The following DDX23 variants were observed in gnomAD, a reference collection of about 807,000 sequenced individuals.
The protein encoded by DDX23 is DEAD-box helicase 23.
Under a neutral mutation model 102.7 loss-of-function variants are expected in DDX23, and 33 were observed. The ratio of observed to expected loss-of-function variants is 0.32; its 90% CI spans 0.24 to 0.43. The LOEUF (loss-of-function observed/expected upper bound fraction) is 0.43, where lower values mean the gene tolerates loss of function less well. Ranked by LOEUF, DDX23 falls within the 20% of genes least tolerant of loss-of-function variation. DDX23 has a pLI of 1.00. For missense variants in DDX23, 549 were observed against 1,086.6 expected (o/e 0.51, Z 6.96); for synonymous variants, 352 against 376.0 (o/e 0.94, Z 0.74).
At chr12:48,839,633 A>G (rs970353919) in intron 5 of DDX23, 1 of 550,094 alleles carries the variant, frequency 1.8e-6, no homozygotes, top group Non-Finnish European at 3.2e-6. Flanking sequence ...ACATGTGTAC[A>G]GAGGGAGGAC....
rs1938465945 is a variant in DDX23, at chr12:48,836,189, G to A, written c.1314C>T (p.Gly438=). The change falls in exon 11 of 17, where the codon GGC becomes GGT. Residue 438 remains glycine (G), a synonymous_variant. Transcript: ENST00000308025. This position sits in a 1 kb window ranked among gnomAD's most constrained non-coding sequence, Gnocchi z 6.1. ...NRDIIGVAET[G]SGKTAAFLIP... ...TGAGGAAGGCTGCTGTCTTGCCACT[G>A]CCAGTCTCAGCCACACCAATGATGT... 7 of 1,613,990 alleles carry A rather than the reference G, an allele frequency of 4.3e-6. No individual in the cohort carries two copies. The highest frequency in any genetic ancestry group is 5.1e-6 in the Non-Finnish European group (6 of 1,180,030).
At chr12:48,839,614 A>C in intron 5 of DDX23, 1 of 445,994 alleles carries the variant, frequency 2.2e-6, no homozygotes, top group Admixed American at 3.9e-5. Context: ...CTAATCCAAC[A>C]CAAGGGGTAC....
chr12:48,836,529 G>T lies in DDX23; in HGVS notation c.1236+40C>A. 1.3e-6 allele frequency: 2 copies of T among 1,584,134 alleles called. No homozygotes were observed. The highest frequency in any genetic ancestry group is 1.7e-6 in the Non-Finnish European group (2 of 1,155,278). ...GTTCTCTATTCCCAAACTAGTGTAGGAACATGTCAGATCTCTTGGGCCAAT... is the reference window on the plus strand; with the variant it reads ...GTTCTCTATTCCCAAACTAGTGTAGTAACATGTCAGATCTCTTGGGCCAAT... On this transcript the variant is annotated intron_variant, in intron 10 of 16. Coordinates refer to ENST00000308025, the MANE Select transcript of DDX23 (RefSeq NM_004818.3). The surrounding 1 kb of genome is among the most constrained non-coding windows in gnomAD (Gnocchi z 6.1).
intron 2 of DDX23, among the ~76,000 whole-genome samples, chr12:48,845,248 A>G (rs1938645273): frequency 6.6e-6 from 1 of 151,996 alleles, no homozygotes; most frequent in African/African-American, 2.4e-5. Flanking sequence ...CAGGAGATCG[A>G]GACCATCCTG....
At chr12:48,850,110 G>C (rs1938732831) in intron 1 of DDX23, among the ~76,000 whole-genome samples, 1 of 152,214 alleles carries the variant, frequency 6.6e-6, no homozygotes, top group Admixed American at 6.5e-5. Context: ...ATATATAGCA[G>C]AGAGACAGAG....
In DDX23 at chr12:48,844,256, C is replaced by T. The variant is rs116085541; in HGVS notation, c.210-206G>A. Among the ~76,000 whole-genome samples the T allele has an allele frequency of 2.7e-3, 408 of 152,246 alleles. 1 individual carries two copies. The highest frequency in any genetic ancestry group is 8.9e-3 in the African/African-American group (370 of 41,544). The stretch of plus-strand genomic sequence containing the variant: ...AAATATTAACGGCAATGACAGGTCA[C>T]GGACTATGTGAACAGATGAACCTTC... On this transcript the variant is annotated intron_variant, in intron 2 of 16. Transcript: ENST00000308025.
chr12:48,844,125 C>G (rs1938622197), intron 2 of DDX23, 75 bp from the exon 3 acceptor site: 2 of 1,330,348 alleles, frequency 1.5e-6, no homozygotes, highest in African/African-American at 1.4e-5. Context: ...TGAGAAAGTT[C>G]CTATACTCTC....
At chr12:48,834,609 T>G (rs1448538241) in intron 11 of DDX23, 112 bp from the exon 12 acceptor site, 6 of 1,032,158 alleles carry the variant, frequency 5.8e-6, no homozygotes, top group Non-Finnish European at 8.6e-6. Flanking sequence ...GGGAGGATGA[T>G]GAGAAAAGAA....
intron 1 of DDX23, among the ~76,000 whole-genome samples, chr12:48,846,740 G>A (rs959185299): frequency 6.6e-6 from 1 of 152,174 alleles, no homozygotes; most frequent in Non-Finnish European, 1.5e-5. Flanking sequence ...AGAGGTTGCA[G>A]AAGTCCTGAT....
chr12:48,831,102 G>GA (rs1392149036), intron 16 of DDX23, 40 bp downstream of exon 16: 1 of 1,610,738 alleles, frequency 6.2e-7, no homozygotes, highest in Non-Finnish European at 8.5e-7. Flanking sequence ...TAAGGAATCT[G>GA]ACTTCACCCT....
rs1301702820 is a variant in DDX23, at chr12:48,837,013, C to G, written c.891G>C (p.Gln297His). 1 of 1,613,928 alleles carries G rather than the reference C, an allele frequency of 6.2e-7. No individual in the cohort carries two copies. The highest frequency in any genetic ancestry group is 2.2e-5 in the East Asian group (1 of 44,878). The change falls in exon 9 of 17, where the codon CAG (glutamine) becomes CAC (histidine). Residue 297 changes from glutamine (Q) to histidine (H), a missense_variant. Around this residue, in one of 4 missense-constraint regions of DDX23, gnomAD observed 270 missense variants for 707.0 expected, o/e 0.38. Transcript: ENST00000308025. The part of the protein sequence containing the change: ...NPLYKERHQV[Q>H]LLGRGFIAGI... ...CTGCAATGAAGCCTCGCCCTAACAACTGCACCTGGTGCCGTTCTTTGTACC... is the reference window on the plus strand; with the variant it reads ...CTGCAATGAAGCCTCGCCCTAACAAGTGCACCTGGTGCCGTTCTTTGTACC...
At chr12:48,834,184 A>C in intron 12 of DDX23, 136 bp downstream of exon 12, 1 of 723,510 alleles carries the variant, frequency 1.4e-6, no homozygotes, top group Non-Finnish European at 2.2e-6. Flanking sequence ...CTGGTGCATA[A>C]GTTCTCAATA....
Position 48,831,200 on chromosome 12 carries a change from A to G in DDX23, c.2181T>C (p.Gly727=). The change falls in exon 16 of 17, where the codon GGT becomes GGC. Residue 727 remains glycine (G), a synonymous_variant. Transcript: ENST00000308025. ...CCATAGACACATCTTGGATGTCAAT[A>G]CCACGACCAGCCACATCTGTAGCCA... ...ILVATDVAGR[G]IDIQDVSMVV... is the part of the protein sequence containing the mutation. The G allele has an allele frequency of 6.2e-7, 1 of 1,614,212 alleles. No homozygotes were observed. The highest frequency in any genetic ancestry group is 1.1e-5 in the South Asian group (1 of 91,084).
intron 3 of DDX23, among the ~76,000 whole-genome samples, chr12:48,842,546 T>G (rs1476355241): frequency 6.9e-5 from 8 of 116,772 alleles, no homozygotes; most frequent in South Asian, 3.0e-4. Context: ...GGGAGGGAGG[T>G]GGGGGGGTCA....
chr12:48,845,433 TA>T, intron 2 of DDX23, 140 bp downstream of exon 2: 1 of 959,116 alleles, frequency 1.0e-6, no homozygotes, highest in Non-Finnish European at 1.6e-6. Context: ...CCAGTCTGGG[TA>T]ACAAACAGAG....
rs1285870244 is a variant in DDX23 at position 48,839,911 on chromosome 12, T to C, written c.415-2A>G. On this transcript the variant is annotated splice_acceptor_variant, in intron 4 of 16. Transcript: ENST00000308025. LOFTEE classifies it high-confidence loss of function. The stretch of plus-strand genomic sequence containing the variant: ...CTCCTCCAGGGATAATGGCTGGGCC[T>C]GAAGATAAAACAGAACTTTAGTCTA... 6.8e-6 allele frequency: 11 copies of C among 1,614,054 alleles called. No individual in the cohort carries two copies. The highest frequency in any genetic ancestry group is 1.3e-5 in the African/African-American group (1 of 74,936).
At chr12:48,847,929 T>C (rs960474058) in intron 1 of DDX23, among the ~76,000 whole-genome samples, 1 of 152,194 alleles carries the variant, frequency 6.6e-6, no homozygotes, top group Non-Finnish European at 1.5e-5. Context: ...TCAACAAATA[T>C]TCACCGAGCA....
intron 1 of DDX23, chr12:48,847,239 T>G (rs1486845881): frequency 6.6e-6 from 1 of 152,204 alleles, no homozygotes; most frequent in Non-Finnish European, 1.5e-5. Context: ...TGTCTTGGGC[T>G]GGGCATGGTG....
chr12:48,845,747 A>G lies in DDX23; in HGVS notation c.36T>C (p.Asp12=), dbSNP rs755000168. ...AGELADKKDR[D]ASPSKEERKR... Reference sequence around the variant, plus strand: ...TCCTTTCCTCCTTGGAAGGTGATGCATCACGGTCCTTTTTGTCAGCCAGCT... The same window carrying G: ...TCCTTTCCTCCTTGGAAGGTGATGCGTCACGGTCCTTTTTGTCAGCCAGCT... The change falls in exon 2 of 17, where the codon GAT becomes GAC. Residue 12 remains aspartate, a synonymous_variant. Coordinates refer to ENST00000308025, the MANE Select transcript of DDX23 (RefSeq NM_004818.3). 26 of 1,614,090 alleles carry G rather than the reference A, an allele frequency of 1.6e-5. No individual in the cohort carries two copies. The East Asian group carries it at 5.6e-4, about 35-fold the overall frequency.
Sources: allele counts gnomAD v4.1 joint callset (sites outside exome capture counted in the v4.1 genomes callset), GRCh38; gene constraint gnomAD v4.1.1; regional missense constraint gnomAD v4.1.1; non-coding constraint Gnocchi (gnomAD v3.1); transcripts MANE v1.5; gene names NCBI Gene and HGNC (gene_info 2026-07-23, HGNC 2026-07-21).